The following FAM171A1 variants were observed in gnomAD, a reference collection of about 807,000 sequenced individuals.
FAM171A1 encodes protein FAM171A1.
Under a neutral mutation model 74.9 loss-of-function variants are expected in FAM171A1, and 23 were observed. That is an observed-to-expected ratio of 0.31 (90% CI 0.22 to 0.44). The LOEUF (loss-of-function observed/expected upper bound fraction) is 0.44, where lower values mean the gene tolerates loss of function less well. Among genes scored for constraint, FAM171A1 ranks in the 20% least tolerant of loss-of-function variants. FAM171A1 has a pLI of 1.00. For synonymous variants in FAM171A1, 527 were observed against 505.7 expected (o/e 1.04, Z -0.57); for missense variants, 1,162 against 1,159.2 (o/e 1.00, Z -0.03).
intron 2 of FAM171A1, 35 bp downstream of exon 2, chr10:15,283,843 C>T (rs1311164958): frequency 1.9e-6 from 3 of 1,603,168 alleles, no homozygotes; most frequent in Non-Finnish European, 2.6e-6. Flanking sequence ...CCAGCCAATG[C>T]CCTCTGTGTT....
In FAM171A1 at chr10:15,276,108, A is replaced by G. The variant is rs537262173; in HGVS notation, c.326-161T>C. Among the ~76,000 whole-genome samples the G allele has an allele frequency of 1.2e-3, 190 of 152,346 alleles. No individual in the cohort carries two copies. In the Middle Eastern group the frequency reaches 0.014, roughly 11 times the overall value. On this transcript the variant is annotated intron_variant, in intron 2 of 7. Coordinates refer to ENST00000378116, the MANE Select transcript of FAM171A1 (RefSeq NM_001010924.2). Reference sequence around the variant, plus strand: ...AGCAAAAGACCTTCAAAATGCTACAAGTGTATTGCAGTATCTCATATAACA... The same window carrying G: ...AGCAAAAGACCTTCAAAATGCTACAGGTGTATTGCAGTATCTCATATAACA...
intron 1 of FAM171A1, among the ~76,000 whole-genome samples, chr10:15,294,728 C>T (rs749347435): frequency 2.6e-5 from 4 of 152,158 alleles, no homozygotes; most frequent in South Asian, 2.1e-4. Context: ...GAACTAAATG[C>T]GACAAGGCTG....
At chr10:15,296,207 G>C (rs1024295208) in intron 1 of FAM171A1, among the ~76,000 whole-genome samples, 25 of 152,006 alleles carry the variant, frequency 1.6e-4, no homozygotes, top group African/African-American at 5.6e-4. Flanking sequence ...ATTTTTTCCA[G>C]ACTCACATAG....
chr10:15,331,749 G>A (rs1358872521), intron 1 of FAM171A1, among the ~76,000 whole-genome samples: 1 of 150,614 alleles, frequency 6.6e-6, no homozygotes, highest in Non-Finnish European at 1.5e-5. Context: ...GTGTGTGTGT[G>A]TGTATGTATA....
chr10:15,263,321 C>A (rs1255865633), intron 3 of FAM171A1, among the ~76,000 whole-genome samples: 1 of 152,164 alleles, frequency 6.6e-6, no homozygotes, highest in African/African-American at 2.4e-5. Context: ...TCATCCCTTA[C>A]CAGAAATAAT....
At chr10:15,354,114 A>G (rs1413634551) in intron 1 of FAM171A1, among the ~76,000 whole-genome samples, 1 of 152,144 alleles carries the variant, frequency 6.6e-6, no homozygotes, top group Non-Finnish European at 1.5e-5. Context: ...AGTGCAACCA[A>G]GTCACATCTG....
At chr10:15,224,095 G>T (rs1834074359) in intron 5 of FAM171A1, among the ~76,000 whole-genome samples, 1 of 152,152 alleles carries the variant, frequency 6.6e-6, no homozygotes, top group Admixed American at 6.5e-5. Flanking sequence ...TGCTTGGAGG[G>T]TCAGCTAGGA....
At chr10:15,274,188 C>T (rs892638581) in intron 3 of FAM171A1, among the ~76,000 whole-genome samples, 2 of 152,216 alleles carry the variant, frequency 1.3e-5, no homozygotes, top group African/African-American at 2.4e-5. Context: ...TCAGTAAAGT[C>T]TCAGGACACA....
intron 1 of FAM171A1, among the ~76,000 whole-genome samples, chr10:15,318,618 T>C (rs1337053740): frequency 2.0e-5 from 3 of 152,156 alleles, no homozygotes; most frequent in Admixed American, 1.3e-4. Flanking sequence ...TTTTTAAGAG[T>C]TGGAGGTGTG....
intron 1 of FAM171A1, among the ~76,000 whole-genome samples, chr10:15,358,441 T>C (rs1835958006): frequency 6.6e-6 from 1 of 152,222 alleles, no homozygotes; most frequent in Non-Finnish European, 1.5e-5. Context: ...CATACCTGAA[T>C]GTTTTACACG....
At chr10:15,305,480 C>G (rs1339370031) in intron 1 of FAM171A1, among the ~76,000 whole-genome samples, 1 of 151,840 alleles carries the variant, frequency 6.6e-6, no homozygotes, top group Non-Finnish European at 1.5e-5. Context: ...AGTTCAAGAC[C>G]AGCCTGGGTG....
chr10:15,328,039 T>C (rs780973459), intron 1 of FAM171A1, among the ~76,000 whole-genome samples: 1 of 151,716 alleles, frequency 6.6e-6, no homozygotes, highest in Non-Finnish European at 1.5e-5. Context: ...AATAATGATG[T>C]TGCCATTGCT....
intron 1 of FAM171A1, among the ~76,000 whole-genome samples, chr10:15,290,500 T>A (rs1056317708): frequency 6.6e-6 from 1 of 152,232 alleles, no homozygotes; most frequent in Non-Finnish European, 1.5e-5. Context: ...ACATGGTCTC[T>A]GTTTCTTGTC....
chr10:15,358,826 T>A (rs572010303), intron 1 of FAM171A1, among the ~76,000 whole-genome samples: 1 of 152,346 alleles, frequency 6.6e-6, no homozygotes, highest in African/African-American at 2.4e-5. Context: ...CTTATTTACA[T>A]TGGTAAAATG....
At chr10:15,286,587 A>G (rs1322201606) in intron 1 of FAM171A1, among the ~76,000 whole-genome samples, 6 of 152,118 alleles carry the variant, frequency 3.9e-5, no homozygotes, top group Non-Finnish European at 7.4e-5. Context: ...TGGCCTGAGT[A>G]TTAACATCTT....
chr10:15,214,195 G>T lies in FAM171A1; in HGVS notation c.1393C>A (p.Pro465Thr). Reference protein sequence around the residue: ...KDYHKSVEVFPLKARKSMERE... With the variant: ...KDYHKSVEVFTLKARKSMERE... The stretch of plus-strand genomic sequence containing the variant: ...TCCATAGATTTTCTTGCCTTTAAGG[G>T]AAAAACCTCCACTGACTTATGGTAG... Residue 465 changes from proline to threonine, a missense_variant, in exon 8 of 8, where the codon CCC becomes ACC. Coordinates refer to ENST00000378116, the MANE Select transcript of FAM171A1 (RefSeq NM_001010924.2). The T allele has an allele frequency of 6.2e-7, 1 of 1,614,012 alleles. No individual in the cohort carries two copies. The highest frequency in any genetic ancestry group is 8.5e-7 in the Non-Finnish European group (1 of 1,179,996).
At chr10:15,302,226 G>C (rs1162135674) in intron 1 of FAM171A1, among the ~76,000 whole-genome samples, 2 of 152,156 alleles carry the variant, frequency 1.3e-5, no homozygotes, top group African/African-American at 4.8e-5. Flanking sequence ...CACTTTGGGA[G>C]GCCAACGTGG....
intron 1 of FAM171A1, among the ~76,000 whole-genome samples, chr10:15,342,601 G>A (rs539281428): frequency 6.6e-5 from 10 of 152,116 alleles, no homozygotes; most frequent in South Asian, 4.2e-4. Flanking sequence ...AACACATAAC[G>A]GGTGTTGCTG....
intron 5 of FAM171A1, among the ~76,000 whole-genome samples, chr10:15,234,914 G>A (rs1276745026): frequency 6.6e-6 from 1 of 151,960 alleles, no homozygotes; most frequent in Non-Finnish European, 1.5e-5. Flanking sequence ...CGCCTGCCTC[G>A]GCCCCCCAGA....
Sources: allele counts gnomAD v4.1 joint callset (sites outside exome capture counted in the v4.1 genomes callset), GRCh38; gene constraint gnomAD v4.1.1; transcripts MANE v1.5; gene names NCBI Gene and HGNC (gene_info 2026-07-23, HGNC 2026-07-21).